The following SNX29 variants were observed in gnomAD, a reference collection of about 807,000 sequenced individuals.
SNX29 encodes sorting nexin-29.
SNX29 carries 78 observed loss-of-function variants against 102.1 expected under a neutral mutation model. The observed-to-expected ratio is 0.76, with a 90% confidence interval of 0.64 to 0.92. The LOEUF is 0.92. SNX29 is among the 40% of genes least tolerant of loss of function. The pLI is 0.00. For missense variants in SNX29, 1,280 were observed against 1,061.7 expected, an observed-to-expected ratio of 1.21 and a Z score of -2.86; for synonymous variants, 580 against 414.5, an observed-to-expected ratio of 1.40 and a Z score of -4.85.
At chr16:12,518,329 C>T (rs969411958) in intron 19 of SNX29, among the ~76,000 whole-genome samples, 1 of 152,178 alleles carries the variant, frequency 6.6e-6, no homozygotes, top group Non-Finnish European at 1.5e-5. Context: ...TGCAGTCTTA[C>T]ACCTCTGGAG....
chr16:12,187,684 T>A (rs980432021), intron 13 of SNX29, among the ~76,000 whole-genome samples: 2 of 152,102 alleles, frequency 1.3e-5, no homozygotes, highest in Non-Finnish European at 2.9e-5. Context: ...CCCAACCCCC[T>A]TTTTTTGAAG....
chr16:12,436,257 C>T (rs570530239), intron 18 of SNX29, among the ~76,000 whole-genome samples: 6 of 152,256 alleles, frequency 3.9e-5, no homozygotes, highest in East Asian at 3.9e-4. Flanking sequence ...AGGCATCAGG[C>T]GCTGGCTCTC....
intron 15 of SNX29, among the ~76,000 whole-genome samples, chr16:12,348,976 G>A (rs544824451): frequency 2.0e-5 from 3 of 152,266 alleles, no homozygotes; most frequent in Admixed American, 6.5e-5. Flanking sequence ...GGAAGACAGC[G>A]CCCTTAGTTT....
intron 13 of SNX29, among the ~76,000 whole-genome samples, chr16:12,172,653 T>C (rs1465845484): frequency 6.6e-6 from 1 of 152,178 alleles, no homozygotes; most frequent in African/African-American, 2.4e-5. Flanking sequence ...CTGACAGATA[T>C]TAAGGGCTCA....
At chr16:12,540,878 C>T (rs1011528366) in intron 20 of SNX29, among the ~76,000 whole-genome samples, 3 of 152,220 alleles carry the variant, frequency 2.0e-5, no homozygotes, top group Non-Finnish European at 2.9e-5. Context: ...TTTTCCACTT[C>T]TGGACCCAGA....
Position 12,461,981 on chromosome 16 carries a change from ATATATATATATAT to A in SNX29, c.2038-15737_2038-15725del, listed in dbSNP as rs1387689688. Among the ~76,000 whole-genome samples the A allele has an allele frequency of 8.9e-4, 36 of 40,234 alleles. 1 individual carries two copies. Among genetic ancestry groups the A allele is most frequent in the African/African-American group, 4.3e-3 (33 of 7,708 alleles). The allele number at this position is 40,234 out of a possible 152,430, so 26.4% of individuals were successfully genotyped here. A position where few individuals can be genotyped will look rare whatever the true frequency, so the allele number is the denominator to read the frequency against. ...AAAAAAAAAAAAAAAAAAAAAAAAT[ATATATATATATAT>A]ATATATATATATATATATGTATACA... On this transcript the variant is annotated intron_variant, in intron 18 of 20. Coordinates refer to ENST00000566228, the MANE Select transcript of SNX29 (RefSeq NM_032167.5).
intron 14 of SNX29, among the ~76,000 whole-genome samples, chr16:12,219,590 C>T (rs747672470): frequency 1.3e-5 from 2 of 152,208 alleles, no homozygotes; most frequent in South Asian, 2.1e-4. Flanking sequence ...GTTTGATGTT[C>T]TTGTCTGTTC....
intron 12 of SNX29, among the ~76,000 whole-genome samples, chr16:12,128,660 C>G (rs2054324451): frequency 6.6e-6 from 1 of 152,034 alleles, no homozygotes. Flanking sequence ...ATCATGTTGG[C>G]CAGGCTGGTC....
At chr16:12,301,431 C>T (rs1412122014) in intron 15 of SNX29, among the ~76,000 whole-genome samples, 1 of 152,196 alleles carries the variant, frequency 6.6e-6, no homozygotes, top group Non-Finnish European at 1.5e-5. Flanking sequence ...TCCTATACTC[C>T]CTCTCCCCCA....
intron 19 of SNX29, among the ~76,000 whole-genome samples, chr16:12,524,073 G>A (rs1597730131): frequency 2.6e-5 from 4 of 152,242 alleles, no homozygotes; most frequent in South Asian, 2.1e-4. Flanking sequence ...GTAGAGAAAC[G>A]TGGGGTTTCT....
At chr16:12,172,860 A>G (rs959793621) in intron 13 of SNX29, among the ~76,000 whole-genome samples, 11 of 152,212 alleles carry the variant, frequency 7.2e-5, no homozygotes, top group African/African-American at 2.7e-4. Context: ...AAGATGGGAA[A>G]TACTTTCAGC....
chr16:12,563,591 C>T (rs921151749), intron 20 of SNX29, among the ~76,000 whole-genome samples: 3 of 138,488 alleles, frequency 2.2e-5, no homozygotes, highest in Admixed American at 7.0e-5. Flanking sequence ...CTTAGGCCTC[C>T]ATGTCTGTAT....
In SNX29 at chr16:12,126,556, T is replaced by C. The variant is rs1460949203; in HGVS notation, c.1403-77T>C. 5.5e-6 allele frequency: 8 copies of C among 1,454,124 alleles called. No homozygotes were observed. The Admixed American group carries it at 1.3e-4, about 23-fold the overall frequency. 90.1% of individuals were successfully genotyped at this position (1,454,124 alleles called of 1,614,324 possible). A position where few individuals can be genotyped will look rare whatever the true frequency, so the allele number is the denominator to read the frequency against. ...TCTAGACAAGTCATCCTTAATAGCATATAATCCAGAGAGGTGAGGGCATGC... is the reference window on the plus strand; with the variant it reads ...TCTAGACAAGTCATCCTTAATAGCACATAATCCAGAGAGGTGAGGGCATGC... On this transcript the variant is annotated intron_variant, in intron 11 of 20. Coordinates refer to ENST00000566228, the MANE Select transcript of SNX29 (RefSeq NM_032167.5).
intron 18 of SNX29, among the ~76,000 whole-genome samples, chr16:12,421,873 G>A (rs371760017): frequency 1.8e-4 from 24 of 135,050 alleles, no homozygotes; most frequent in African/African-American, 2.6e-4. Context: ...ATCACCAGCC[G>A]TCCATCACCA....
intron 17 of SNX29, among the ~76,000 whole-genome samples, chr16:12,399,981 C>A (rs1378548720): frequency 6.6e-6 from 1 of 152,092 alleles, no homozygotes; most frequent in Non-Finnish European, 1.5e-5. Flanking sequence ...CAAGAATTCA[C>A]CCATGTCCTG....
At chr16:12,557,471 C>G (rs2078441015) in intron 20 of SNX29, 1 of 152,180 alleles carries the variant, frequency 6.6e-6, no homozygotes, top group Admixed American at 6.5e-5. Context: ...AAGCAATTCT[C>G]CTGCTTCAGC....
intron 16 of SNX29, among the ~76,000 whole-genome samples, chr16:12,377,713 T>C (rs2151410896): frequency 1.3e-5 from 2 of 152,250 alleles, no homozygotes; most frequent in East Asian, 3.9e-4. Flanking sequence ...AACTAAAGCT[T>C]ATCTCGGGCC....
intron 16 of SNX29, among the ~76,000 whole-genome samples, chr16:12,358,767 C>G (rs1041762627): frequency 1.3e-5 from 2 of 152,160 alleles, no homozygotes; most frequent in African/African-American, 4.8e-5. Flanking sequence ...TTTATCCAAT[C>G]ACGTTGTTAA....
chr16:12,006,707 A>G (rs1037799193), intron 3 of SNX29, among the ~76,000 whole-genome samples: 1 of 151,880 alleles, frequency 6.6e-6, no homozygotes, highest in Admixed American at 6.6e-5. Flanking sequence ...ATCAGCCTCA[A>G]CCTCCCAGGC....
Sources: allele counts gnomAD v4.1 joint callset (sites outside exome capture counted in the v4.1 genomes callset), GRCh38; gene constraint gnomAD v4.1.1; transcripts MANE v1.5; gene names NCBI Gene and HGNC (gene_info 2026-07-23, HGNC 2026-07-21).